The following CHTF18 variants were observed in gnomAD, a reference collection of about 807,000 sequenced individuals.
CHTF18 encodes the protein chromosome transmission fidelity factor 18.
CHTF18 carries 151 observed loss-of-function variants against 113.4 expected under a neutral mutation model. The observed-to-expected ratio is 1.33, with a 90% CI of 1.17 to 1.52. CHTF18 has a LOEUF of 1.52. Among genes scored for constraint, CHTF18 ranks in the 40% most tolerant of loss-of-function variants. CHTF18 has a pLI of 0.00. For missense variants in CHTF18, 1,982 were observed against 1,381.6 expected (o/e 1.43, Z -6.89); for synonymous variants, 916 against 598.8 (o/e 1.53, Z -7.74).
In CHTF18 at chr16:793,227, G is replaced by C. The variant is rs757747659; in HGVS notation, c.1755G>C (p.Gly585=). The C allele has an allele frequency of 2.1e-5, 34 of 1,609,236 alleles. No individual in the cohort carries two copies. The South Asian group carries it at 3.8e-4, about 18-fold the overall frequency. ...TRVGLKDQRR[G]LFSVWQEVFQ... is the part of the protein sequence containing the mutation. ...TGGGCCTCAAGGACCAGCGCAGAGG[G>C]CTCTTCTCGGTGTGGCAGGAGGTCT... The change falls in exon 14 of 22, where the codon GGG becomes GGC. Residue 585 remains glycine, a synonymous_variant. Coordinates refer to ENST00000262315, the MANE Select transcript of CHTF18 (RefSeq NM_022092.3).
intron 7 of CHTF18, chr16:790,912 C>T (rs927993076): frequency 9.8e-6 from 14 of 1,432,436 alleles, no homozygotes; most frequent in Middle Eastern, 2.6e-4. Flanking sequence ...CCCTTTCCTA[C>T]CTTCACAGCA....
rs749157814 is a variant in CHTF18, at chr16:795,150, C to G, written c.1969C>G (p.Leu657Val). Residue 657 changes from leucine (L) to valine (V), a missense_variant, in exon 16 of 22, where the codon CTG (leucine) becomes GTG (valine). By Grantham distance (32) the Leu-to-Val change is conservative. Coordinates refer to ENST00000262315, the MANE Select transcript of CHTF18 (RefSeq NM_022092.3). ...KVVQGLFDNF[L>V]RLRLRDSSLG... ...CCTGCAGGGCTTGTTTGACAACTTC[C>G]TGCGTCTGCGGCTGCGAGACTCCAG... The G allele has an allele frequency of 3.9e-6, 6 of 1,551,104 alleles. No homozygotes were observed. Among genetic ancestry groups the G allele is most frequent in the Non-Finnish European group, 4.4e-6 (5 of 1,147,710 alleles).
Position 788,632 on chromosome 16 carries a change from A to ACGG in CHTF18, c.-41_-39dup, listed in dbSNP as rs751138912. The ACGG allele has an allele frequency of 2.6e-5, 36 of 1,381,106 alleles. No homozygotes were observed. The highest frequency in any genetic ancestry group is 2.2e-4 in the East Asian group (7 of 32,486). 85.6% of individuals were successfully genotyped at this position (1,381,106 alleles called of 1,614,324 possible). A position where few individuals can be genotyped will look rare whatever the true frequency, so the allele number is the denominator to read the frequency against. ...GCACGCTCGGGGCGGGCAGTGCGCGACGGCGGCGGCGGCGCGGGAGGTTCG... is the reference window on the plus strand; with the variant it reads ...GCACGCTCGGGGCGGGCAGTGCGCGACGGCGGCGGCGGCGGCGCGGGAGGTTCG... On this transcript the variant is annotated 5_prime_UTR_variant, in exon 1 of 22. Transcript: ENST00000262315.
At chr16:796,583 T>G in intron 18 of CHTF18, 134 bp from the exon 19 acceptor site, 3 of 1,071,484 alleles carry the variant, frequency 2.8e-6, no homozygotes, top group Non-Finnish European at 3.9e-6. Flanking sequence ...TGGGGTGCGG[T>G]GGCACCAGGA....
At chr16:790,772 C>A in intron 7 of CHTF18, 106 bp downstream of exon 7, 5 of 1,438,758 alleles carry the variant, frequency 3.5e-6, no homozygotes, top group Non-Finnish European at 4.5e-6. Flanking sequence ...GCCTCGGAGA[C>A]GGAGTGGGCT....
At chr16:796,611 G>T in intron 18 of CHTF18, 106 bp from the exon 19 acceptor site, 1 of 1,335,908 alleles carries the variant, frequency 7.5e-7, no homozygotes, top group African/African-American at 1.5e-5. Flanking sequence ...CCACATTCCT[G>T]CTCTGGCCTT....
At chr16:790,933 G>A in intron 7 of CHTF18, 2 of 1,433,334 alleles carry the variant, frequency 1.4e-6, no homozygotes, top group Non-Finnish European at 1.8e-6. Flanking sequence ...GCTGACACTG[G>A]AGTGCCCCTG....
rs1016518731 is a variant in CHTF18 at position 792,956 on chromosome 16, T to C, written c.1573-10T>C. ...TACCATCGGGCCCTCCAGCAGCCCT[T>C]CTCCACCAGGTCTCCCTGCGGCAGG... On this transcript the variant is annotated splice_polypyrimidine_tract_variant and intron_variant, in intron 12 of 21. Transcript: ENST00000262315. 13 of 1,552,514 alleles carry C rather than the reference T, an allele frequency of 8.4e-6. No individual in the cohort carries two copies. The highest frequency in any genetic ancestry group is 1.9e-5 in the Admixed American group (1 of 51,576).
chr16:789,232 G>C lies in CHTF18; in HGVS notation c.309G>C (p.Arg103Ser). 1 of 1,553,302 alleles carries C rather than the reference G, an allele frequency of 6.4e-7. No individual in the cohort carries two copies. Among genetic ancestry groups the C allele is most frequent in the South Asian group, 1.2e-5 (1 of 84,346 alleles). ...LPHAPRIKRP[R>S]LQVVKRLNFR... is the part of the protein sequence containing the mutation. ...CAGCCCCCAGGATCAAACGGCCTAG[G>C]CTGCAGGTGGTCAAGAGGCTGAACT... Residue 103 changes from arginine to serine, a missense_variant, in exon 3 of 22, where the codon AGG becomes AGC. Arg to Ser is a moderately radical substitution (Grantham distance 110). Transcript: ENST00000262315.
Position 795,681 on chromosome 16 carries a change from C to T in CHTF18, c.2176-4C>T, listed in dbSNP as rs779532916. 8 of 1,589,712 alleles carry T rather than the reference C, an allele frequency of 5.0e-6. No individual in the cohort carries two copies. Among genetic ancestry groups the T allele is most frequent in the Non-Finnish European group, 6.8e-6 (8 of 1,172,334 alleles). The stretch of plus-strand genomic sequence containing the variant: ...ACCAGGCCTTGGCTCACCCCCTGCC[C>T]CAGGCCCAGAACCGGATGAGCCAGA... On this transcript the variant is annotated splice_region_variant and splice_polypyrimidine_tract_variant and intron_variant, in intron 16 of 21. Coordinates refer to ENST00000262315, the MANE Select transcript of CHTF18 (RefSeq NM_022092.3).
Position 797,678 on chromosome 16 carries a change from T to A in CHTF18, c.2734-16T>A. 2 of 1,610,956 alleles carry A rather than the reference T, an allele frequency of 1.2e-6. No individual in the cohort carries two copies. The highest frequency in any genetic ancestry group is 1.7e-6 in the Non-Finnish European group (2 of 1,179,300). The stretch of plus-strand genomic sequence containing the variant: ...GCATCTGTCCTATACGACTGACTAG[T>A]CCTTCCTCCCATCAGCCTGAGAAGG... On this transcript the variant is annotated splice_polypyrimidine_tract_variant and intron_variant, in intron 20 of 21. Coordinates refer to ENST00000262315, the MANE Select transcript of CHTF18 (RefSeq NM_022092.3).
chr16:795,531 GTGCC>G (rs1403812627), intron 16 of CHTF18, among the ~76,000 whole-genome samples, 150 bp from the exon 17 acceptor site: 6 of 29,486 alleles, frequency 2.0e-4, no homozygotes, highest in Admixed American at 7.6e-4. Context: ...CCCCGGCCCC[GTGCC>G]CGCCCCCCCA....
Position 795,149 on chromosome 16 carries a change from C to T in CHTF18, c.1968C>T (p.Phe656=), listed in dbSNP as rs779699404. ...GCCTGCAGGGCTTGTTTGACAACTTCCTGCGTCTGCGGCTGCGAGACTCCA... is the reference window on the plus strand; with the variant it reads ...GCCTGCAGGGCTTGTTTGACAACTTTCTGCGTCTGCGGCTGCGAGACTCCA... ...EKVVQGLFDN[F]LRLRLRDSSL... is the part of the protein sequence containing the mutation. Residue 656 remains phenylalanine (F), a synonymous_variant, in exon 16 of 22, where the codon TTC becomes TTT. Transcript: ENST00000262315. 1.2e-4 allele frequency: 189 copies of T among 1,550,650 alleles called. No homozygotes were observed. Among genetic ancestry groups the T allele is most frequent in the Non-Finnish European group, 1.4e-4 (164 of 1,147,422 alleles).
At chr16:794,335 G>A (rs909463780) in intron 15 of CHTF18, 134 bp downstream of exon 15, 1 of 1,058,410 alleles carries the variant, frequency 9.4e-7, no homozygotes, top group Non-Finnish European at 1.3e-6. Context: ...TTCGGGAAAT[G>A]GGGTGCCAGG....
At chr16:796,322 T>C (rs906227401) in intron 18 of CHTF18, among the ~76,000 whole-genome samples, 2 of 152,188 alleles carry the variant, frequency 1.3e-5, no homozygotes, top group African/African-American at 2.4e-5. Context: ...CACATGGAAC[T>C]GGAGCCGGGG....
chr16:790,318 C>G, intron 5 of CHTF18, 29 bp from the exon 6 acceptor site: 1 of 1,611,776 alleles, frequency 6.2e-7, no homozygotes, highest in Non-Finnish European at 8.5e-7. Context: ...CGCCTGAGCC[C>G]TCCTGATTCC....
In CHTF18 at chr16:792,777, C is replaced by G. The variant is rs2042235370; in HGVS notation, c.1538C>G (p.Thr513Ser). ...QQAFLLHFPPTLPSRLVQRLQ... is the reference protein window; with the variant it reads ...QQAFLLHFPPSLPSRLVQRLQ... ...GCCTTCCTGCTCCACTTCCCGCCGA[C>G]TCTGCCCTCGAGGCTGGTGCAGCGG... Residue 513 changes from threonine to serine, a missense_variant, in exon 12 of 22, where the codon ACT (threonine) becomes AGT (serine). Transcript: ENST00000262315. 1 of 1,546,210 alleles carries G rather than the reference C, an allele frequency of 6.5e-7. No individual in the cohort carries two copies. Among genetic ancestry groups the G allele is most frequent in the Non-Finnish European group, 8.7e-7 (1 of 1,149,922 alleles).
At position 788,737 on chromosome 16, in the gene CHTF18, A is replaced by C. The variant is rs1194183255; in HGVS notation, c.53A>C (p.Gln18Pro). 1 of 1,602,980 alleles carries C rather than the reference A, an allele frequency of 6.2e-7. No individual in the cohort carries two copies. The highest frequency in any genetic ancestry group is 1.1e-5 in the South Asian group (1 of 89,636). The change falls in exon 1 of 22, where the codon CAG (glutamine) becomes CCG (proline). Residue 18 changes from glutamine to proline, a missense_variant. By Grantham distance (76) the Gln-to-Pro change is moderately conservative. Transcript: ENST00000262315. ...LCGVEDDFHN[Q>P]FAAELEVLAE... Reference sequence around the variant, plus strand: ...GGCGTCGAGGATGATTTCCACAACCAGTTCGCGGCCGAGCTGGAGGTGCTG... The same window carrying C: ...GGCGTCGAGGATGATTTCCACAACCCGTTCGCGGCCGAGCTGGAGGTGCTG...
In CHTF18 at chr16:794,995, C is replaced by A. The variant is rs943159722; in HGVS notation, c.1951-137C>A. ...CTCAGACGCCCAGCGTCGTGGGGAC[C>A]CTTGTGGAGGGTCTGCGAAGCCTCG... On this transcript the variant is annotated intron_variant, in intron 15 of 21. Coordinates refer to ENST00000262315, the MANE Select transcript of CHTF18 (RefSeq NM_022092.3). The A allele has an allele frequency of 4.1e-5, 28 of 685,990 alleles. 1 individual carries two copies. Among genetic ancestry groups the A allele is most frequent in the Middle Eastern group, 4.1e-4 (1 of 2,456 alleles). 42.5% of individuals were successfully genotyped at this position (685,990 alleles called of 1,614,324 possible). A position where few individuals can be genotyped will look rare whatever the true frequency, so the allele number is the denominator to read the frequency against.
Sources: gnomAD v4.1 joint callset for allele counts (sites outside exome capture counted in the v4.1 genomes callset) on GRCh38, gnomAD v4.1.1 for gene constraint, MANE v1.5 for transcripts, NCBI Gene and HGNC (gene_info 2026-07-23, HGNC 2026-07-21) for gene names.